The following FAM120B variants were observed in gnomAD, a reference collection of about 807,000 sequenced individuals.
FAM120B encodes family with sequence similarity 120 member B.
In FAM120B, 83 loss-of-function variants were observed where a neutral mutation model predicts 96.3. That is an observed-to-expected ratio of 0.86 (90% CI 0.72 to 1.03). FAM120B has a LOEUF of 1.03. Among genes scored for constraint, FAM120B ranks in the 50% least tolerant of loss-of-function variants. The pLI, the probability that FAM120B is intolerant of heterozygous loss-of-function variation, is 0.00. For missense variants in FAM120B, 1,027 were observed against 1,121.2 expected, an observed-to-expected ratio of 0.92 and a Z score of 1.20; for synonymous variants, 407 against 402.7, an observed-to-expected ratio of 1.01 and a Z score of -0.13.
At chr6:170,379,025 C>T (rs938982180) in intron 6 of FAM120B, among the ~76,000 whole-genome samples, 2 of 152,188 alleles carry the variant, frequency 1.3e-5, no homozygotes, top group African/African-American at 2.4e-5. Context: ...AGGGGTTTCT[C>T]TGGCGTTTAT....
rs979575646 is a variant in FAM120B at position 170,372,511 on chromosome 6, A to T, written c.2283+14193A>T. On this transcript the variant is annotated intron_variant, in intron 6 of 10. Coordinates refer to ENST00000476287, the MANE Select transcript of FAM120B (RefSeq NM_032448.3). ...TTGAATGTGAGCGCGTTCTTAGAAG[A>T]TAGTCTAATTTTATGAACTGACAGT... Among the ~76,000 whole-genome samples the T allele has an allele frequency of 2.0e-5, 3 of 152,188 alleles. No individual in the cohort carries two copies. In the East Asian group the frequency reaches 5.8e-4, roughly 29 times the overall value.
intron 3 of FAM120B, among the ~76,000 whole-genome samples, chr6:170,324,903 G>T (rs758217619): frequency 5.3e-5 from 8 of 152,304 alleles, no homozygotes; most frequent in South Asian, 4.1e-4. Flanking sequence ...AAAATGTTGT[G>T]TATTTTACAG....
chr6:170,342,873 C>A (rs1188091887), intron 4 of FAM120B, among the ~76,000 whole-genome samples: 1 of 152,182 alleles, frequency 6.6e-6, no homozygotes, highest in Non-Finnish European at 1.5e-5. Context: ...TGAGGGCCAC[C>A]TTCGATCTTT....
rs376582497 is a variant in FAM120B, at chr6:170,318,452, C to T, written c.1062C>T (p.Pro354=). Residue 354 remains proline (P), a synonymous_variant, in exon 2 of 11, where the codon CCC becomes CCT. Transcript: ENST00000476287. The part of the protein sequence containing the change: ...CSDAESRQEV[P]MCTGPESRRE... ...ATGCTGAATCCAGGCAAGAAGTTCC[C>T]ATGTGTACAGGCCCTGAATCCAGGC... is the stretch of plus-strand genomic sequence containing the variant. The T allele has an allele frequency of 1.9e-6, 3 of 1,606,532 alleles. No individual in the cohort carries two copies. The highest frequency in any genetic ancestry group is 1.7e-5 in the Admixed American group (1 of 59,520).
intron 8 of FAM120B, among the ~76,000 whole-genome samples, chr6:170,392,657 C>T (rs1430346940): frequency 6.6e-6 from 1 of 152,224 alleles, no homozygotes; most frequent in African/African-American, 2.4e-5. Flanking sequence ...GAACTCAGCC[C>T]AGATTCTTAT....
chr6:170,382,532 A>C (rs1428527967), intron 6 of FAM120B, among the ~76,000 whole-genome samples: 1 of 152,252 alleles, frequency 6.6e-6, no homozygotes, highest in African/African-American at 2.4e-5. Flanking sequence ...CTAAATTTAA[A>C]AGATAGTACC....
intron 1 of FAM120B, chr6:170,298,394 C>G (rs1371356905): frequency 1.3e-5 from 2 of 152,316 alleles, no homozygotes; most frequent in East Asian, 1.9e-4. Flanking sequence ...TCCTTGCTTT[C>G]AACAGTTTCC....
In FAM120B at chr6:170,395,557, G is replaced by A. The variant is rs1403260564; in HGVS notation, c.2670G>A (p.Gln890=). 1 of 1,596,058 alleles carries A rather than the reference G, an allele frequency of 6.3e-7. No homozygotes were observed. Among genetic ancestry groups the A allele is most frequent in the South Asian group, 1.1e-5 (1 of 87,658 alleles). Residue 890 remains glutamine (Q), a synonymous_variant, in exon 9 of 11, where the codon CAG becomes CAA. Coordinates refer to ENST00000476287, the MANE Select transcript of FAM120B (RefSeq NM_032448.3). ...GGTATAGCCGTTCCAGTCAGGGACA[G>A]CCGTGGAGAGACCAGGGACCAGGTA... ...GSGYSRSSQG[Q]PWRDQGPGSR... is the part of the protein sequence containing the mutation.
At chr6:170,299,843 T>C (rs1784103770) in intron 1 of FAM120B, among the ~76,000 whole-genome samples, 1 of 152,234 alleles carries the variant, frequency 6.6e-6, no homozygotes, top group African/African-American at 2.4e-5. Context: ...CTCTCCTTCT[T>C]TCTGCTCTGA....
intron 9 of FAM120B, among the ~76,000 whole-genome samples, chr6:170,402,306 G>A (rs1778628649): frequency 6.6e-6 from 1 of 152,344 alleles, no homozygotes. Context: ...GCTTTCCATA[G>A]CATGCCCAGT....
intron 6 of FAM120B, among the ~76,000 whole-genome samples, chr6:170,359,735 G>T (rs1004248988): frequency 6.6e-6 from 1 of 151,996 alleles, no homozygotes; most frequent in Non-Finnish European, 1.5e-5. Context: ...CACCACACCC[G>T]GCCACAACTT....
chr6:170,369,814 G>C (rs1276073812), intron 6 of FAM120B, among the ~76,000 whole-genome samples: 1 of 151,984 alleles, frequency 6.6e-6, no homozygotes, highest in Non-Finnish European at 1.5e-5. Context: ...GTTACTTGGG[G>C]GTGGAAACTG....
Position 170,395,625 on chromosome 6 carries a change from G to A in FAM120B, c.2692+46G>A, listed in dbSNP as rs772885358. The A allele has an allele frequency of 2.9e-6, 4 of 1,381,888 alleles. No homozygotes were observed. The African/African-American group carries it at 5.7e-5, about 20-fold the overall frequency. 85.6% of individuals were successfully genotyped at this position (1,381,888 alleles called of 1,614,324 possible). A position where few individuals can be genotyped will look rare whatever the true frequency, so the allele number is the denominator to read the frequency against. On this transcript the variant is annotated intron_variant, in intron 9 of 10. Transcript: ENST00000476287. ...TCTGCTGGGCCACCTGCATGGCACT[G>A]CCTCTCACCTTGTGCTTTTGCTGAT... is the stretch of plus-strand genomic sequence containing the variant.
intron 6 of FAM120B, among the ~76,000 whole-genome samples, chr6:170,361,223 T>TACACAC (rs1562567031): frequency 1.9e-5 from 2 of 106,072 alleles, no homozygotes; most frequent in East Asian, 7.9e-4. Flanking sequence ...TATATATATA[T>TACACAC]ATATATATAT....
At chr6:170,342,619 G>A (rs1168571252) in intron 4 of FAM120B, among the ~76,000 whole-genome samples, 1 of 152,200 alleles carries the variant, frequency 6.6e-6, no homozygotes, top group Non-Finnish European at 1.5e-5. Flanking sequence ...TCCCACCATA[G>A]AACTGCCTCC....
At chr6:170,290,800 C>T, upstream of FAM120B, 2 of 579,188 alleles carry the variant, frequency 3.5e-6, no homozygotes, top group Non-Finnish European at 6.1e-6. The surrounding 1 kb of genome is among the most constrained non-coding windows in gnomAD (Gnocchi z 4.7). Flanking sequence ...CAGCCAATGC[C>T]ATCCAGTACA....
At chr6:170,366,099 T>C (rs113820551) in intron 6 of FAM120B, among the ~76,000 whole-genome samples, 12 of 152,306 alleles carry the variant, frequency 7.9e-5, no homozygotes, top group African/African-American at 2.6e-4. Context: ...AGTGGCATTC[T>C]GTCATTCAGT....
chr6:170,353,694 C>T (rs1787722303), intron 5 of FAM120B, among the ~76,000 whole-genome samples: 1 of 152,074 alleles, frequency 6.6e-6, no homozygotes, highest in South Asian at 2.1e-4. Context: ...GAATAAAATA[C>T]CTAGTAATAC....
chr6:170,306,558 G>C (rs373303958), upstream of FAM120B: 2 of 152,274 alleles, frequency 1.3e-5, no homozygotes, highest in Admixed American at 6.5e-5. Flanking sequence ...GCCAGCACCA[G>C]AGCAGTTGCT....
Sources: allele counts gnomAD v4.1 joint callset (sites outside exome capture counted in the v4.1 genomes callset), GRCh38; gene constraint gnomAD v4.1.1; non-coding constraint Gnocchi (gnomAD v3.1); transcripts MANE v1.5; gene names NCBI Gene and HGNC (gene_info 2026-07-23, HGNC 2026-07-21).